Variants in RANBP9 observed in about 807,000 individuals in gnomAD.
RANBP9 encodes RAN binding protein 9.
RANBP9 carries 15 observed loss-of-function variants against 84.3 expected under a neutral mutation model. The ratio of observed to expected loss-of-function variants is 0.18; its 90% CI spans 0.12 to 0.27. The LOEUF (loss-of-function observed/expected upper bound fraction) is 0.27, where lower values mean the gene tolerates loss of function less well. Ranked by LOEUF, RANBP9 falls within the 10% of genes least tolerant of loss-of-function variation. The pLI, the probability that RANBP9 is intolerant of heterozygous loss-of-function variation, is 1.00. For missense variants in RANBP9, 809 were observed against 912.8 expected, an observed-to-expected ratio of 0.89 and a Z score of 1.46; for synonymous variants, 392 against 349.6, an observed-to-expected ratio of 1.12 and a Z score of -1.35.
intron 4 of RANBP9, among the ~76,000 whole-genome samples, chr6:13,655,972 G>T (rs903821533): frequency 1.3e-5 from 2 of 152,178 alleles, no homozygotes; most frequent in African/African-American, 4.8e-5. Context: ...AGGATCTCTT[G>T]TGGACTTGAG....
intron 9 of RANBP9, 120 bp from the exon 10 acceptor site, chr6:13,638,075 G>T: frequency 1.2e-6 from 1 of 823,750 alleles, no homozygotes. Context: ...GTCAATGGAT[G>T]ATGTAAACAG....
intron 5 of RANBP9, among the ~76,000 whole-genome samples, chr6:13,645,310 A>T (rs1339724376): frequency 1.3e-5 from 2 of 148,344 alleles, no homozygotes; most frequent in Admixed American, 6.7e-5. Context: ...TCTCTATATT[A>T]AAAAAAAAAC....
intron 13 of RANBP9, among the ~76,000 whole-genome samples, chr6:13,624,359 T>G (rs569739345): frequency 1.1e-4 from 16 of 152,324 alleles, no homozygotes; most frequent in African/African-American, 3.8e-4. Flanking sequence ...ATCTACTTTT[T>G]GTGGCACTGC....
At position 13,631,809 on chromosome 6, in the gene RANBP9, T is replaced by C. The variant is rs535849106; in HGVS notation, c.1947+561A>G. Among the ~76,000 whole-genome samples the C allele has an allele frequency of 3.9e-4, 60 of 152,340 alleles. 3 individuals are homozygous for C. In the South Asian group the frequency reaches 0.012, roughly 30 times the overall value. On this transcript the variant is annotated intron_variant, in intron 12 of 13. Coordinates refer to ENST00000011619, the MANE Select transcript of RANBP9 (RefSeq NM_005493.3). ...ACTGTGGCTACTTTACTGAATTAGA[T>C]TGTATCCATCCTATCAGCTCATGGA...
At chr6:13,690,278 A>C (rs532108412) in intron 2 of RANBP9, among the ~76,000 whole-genome samples, 1 of 152,322 alleles carries the variant, frequency 6.6e-6, no homozygotes, top group African/African-American at 2.4e-5. Flanking sequence ...GTGCTATATC[A>C]TAGGTGTTCA....
At chr6:13,633,843 T>G (rs149105653) in intron 11 of RANBP9, among the ~76,000 whole-genome samples, 1 of 152,190 alleles carries the variant, frequency 6.6e-6, no homozygotes, top group East Asian at 1.9e-4. Context: ...TTTGATGGGA[T>G]AGTTTGCTGA....
At chr6:13,685,495 C>A (rs1225908220) in intron 2 of RANBP9, among the ~76,000 whole-genome samples, 1 of 152,090 alleles carries the variant, frequency 6.6e-6, no homozygotes, top group Non-Finnish European at 1.5e-5. Context: ...ATCACTTGAA[C>A]CCAACAGTTT....
chr6:13,707,659 C>G (rs1758160357), intron 1 of RANBP9, among the ~76,000 whole-genome samples: 1 of 152,190 alleles, frequency 6.6e-6, no homozygotes, highest in African/African-American at 2.4e-5. Flanking sequence ...GGTTCTACCA[C>G]TCTCTAAAAT....
chr6:13,649,131 T>C (rs1381385292), intron 5 of RANBP9, among the ~76,000 whole-genome samples: 2 of 152,292 alleles, frequency 1.3e-5, no homozygotes, highest in South Asian at 2.1e-4. Flanking sequence ...ATAGAAGATA[T>C]AAACACTTCC....
intron 2 of RANBP9, among the ~76,000 whole-genome samples, chr6:13,685,725 C>T (rs766857935): frequency 1.1e-4 from 17 of 152,050 alleles, no homozygotes; most frequent in Non-Finnish European, 2.4e-4. Context: ...GTCAAGAGAT[C>T]GAGACCATCC....
chr6:13,677,027 A>G (rs1030163633), intron 2 of RANBP9, among the ~76,000 whole-genome samples: 9 of 152,186 alleles, frequency 5.9e-5, no homozygotes, highest in African/African-American at 2.2e-4. Context: ...ATGAGACAAG[A>G]AAAGGAAATA....
At chr6:13,658,667 G>T in intron 3 of RANBP9, 113 bp downstream of exon 3, 6 of 927,852 alleles carry the variant, frequency 6.5e-6, no homozygotes, top group African/African-American at 1.7e-5. Flanking sequence ...TCATAATGAT[G>T]ATTAAAAACA....
chr6:13,686,266 G>A (rs1263392775), intron 2 of RANBP9, among the ~76,000 whole-genome samples: 1 of 151,048 alleles, frequency 6.6e-6, no homozygotes, highest in Non-Finnish European at 1.5e-5. Flanking sequence ...CACTACACCC[G>A]GCTAATTTTA....
At chr6:13,640,734 C>G (rs972885038) in intron 8 of RANBP9, among the ~76,000 whole-genome samples, 1 of 151,916 alleles carries the variant, frequency 6.6e-6, no homozygotes, top group Non-Finnish European at 1.5e-5. Context: ...TTTCCAGGGG[C>G]TAGGGGGATG....
At position 13,710,876 on chromosome 6, in the gene RANBP9, CG is replaced by C; in HGVS notation, c.571+58del. On this transcript the variant is annotated intron_variant, in intron 1 of 13. Coordinates refer to ENST00000011619, the MANE Select transcript of RANBP9 (RefSeq NM_005493.3). ...CGGGGGCGGGTCGAGAGCGGCGCAG[CG>C]GCGGCCGGCCACGTCGGGTCAGTGC... 7.3e-6 allele frequency: 11 copies of C among 1,507,054 alleles called. No homozygotes were observed. In the South Asian group the frequency reaches 1.3e-4, roughly 18 times the overall value. 93.4% of individuals were successfully genotyped at this position (1,507,054 alleles called of 1,614,324 possible). A position where few individuals can be genotyped will look rare whatever the true frequency, so the allele number is the denominator to read the frequency against.
intron 1 of RANBP9, among the ~76,000 whole-genome samples, chr6:13,710,710 C>G (rs1055911113): frequency 6.6e-6 from 1 of 152,220 alleles, no homozygotes; most frequent in African/African-American, 2.4e-5. Context: ...TCCTTTCTAC[C>G]CTGGGGCATT....
Position 13,710,932 on chromosome 6 carries a change from T to C in RANBP9, c.571+3A>G. The C allele has an allele frequency of 6.2e-7, 1 of 1,602,720 alleles. No homozygotes were observed. Among genetic ancestry groups the C allele is most frequent in the Non-Finnish European group, 8.5e-7 (1 of 1,175,142 alleles). On this transcript the variant is annotated splice_donor_region_variant and intron_variant, in intron 1 of 13. Transcript: ENST00000011619. ...CTCCCACCGCAGGACACACGCCCAGTACCTTTGTAGTGCACCCGCAGGTTG... is the reference window on the plus strand; with the variant it reads ...CTCCCACCGCAGGACACACGCCCAGCACCTTTGTAGTGCACCCGCAGGTTG...
intron 5 of RANBP9, among the ~76,000 whole-genome samples, chr6:13,650,687 C>T (rs548789083): frequency 1.3e-5 from 2 of 152,170 alleles, no homozygotes; most frequent in East Asian, 3.9e-4. Context: ...GAGATTAATC[C>T]CAGAGACATA....
intron 4 of RANBP9, 64 bp downstream of exon 4, chr6:13,657,045 C>G (rs1765415453): frequency 7.2e-7 from 1 of 1,397,972 alleles, no homozygotes; most frequent in Admixed American, 2.2e-5. Context: ...AATACAACTA[C>G]CATCCTGGAA....
Sources: gnomAD v4.1 joint callset for allele counts (sites outside exome capture counted in the v4.1 genomes callset) on GRCh38, gnomAD v4.1.1 for gene constraint, MANE v1.5 for transcripts, NCBI Gene and HGNC (gene_info 2026-07-23, HGNC 2026-07-21) for gene names.